IL31RA: variants seen among roughly 807,000 people sequenced by gnomAD.
IL31RA encodes interleukin-31 receptor subunit alpha.
IL31RA carries 66 observed loss-of-function variants against 83.7 expected under a neutral mutation model. That is an observed-to-expected ratio of 0.79 (90% confidence interval 0.65 to 0.97). The LOEUF is 0.97. Among genes scored for constraint, IL31RA ranks in the 50% least tolerant of loss-of-function variants. The pLI is 0.00. For synonymous variants in IL31RA, 325 were observed against 329.0 expected (o/e 0.99, Z 0.13); for missense variants, 798 against 919.4 (o/e 0.87, Z 1.71).
chr5:55,890,816 A>G (rs1311951334), intron 6 of IL31RA, among the ~76,000 whole-genome samples: 3 of 152,242 alleles, frequency 2.0e-5, no homozygotes, highest in African/African-American at 4.8e-5. Context: ...GGAAAGAGGC[A>G]TGGATTGCAG....
At chr5:55,867,101 G>GCA (rs1307485192) in intron 2 of IL31RA, among the ~76,000 whole-genome samples, 1 of 146,024 alleles carries the variant, frequency 6.8e-6, no homozygotes, top group Non-Finnish European at 1.5e-5. Flanking sequence ...GTGTGTGTTT[G>GCA]TGTGTGTGTG....
At chr5:55,872,584 A>C (rs1430513645) in intron 4 of IL31RA, 133 bp downstream of exon 4, 3 of 263,284 alleles carry the variant, frequency 1.1e-5, no homozygotes, top group African/African-American at 7.0e-5. Flanking sequence ...CAGAAAATTC[A>C]TCTTCTAATT....
At position 55,890,146 on chromosome 5, in the gene IL31RA, C is replaced by T. The variant is rs967754720; in HGVS notation, c.772+11C>T. The stretch of plus-strand genomic sequence containing the variant: ...TGACTGAGGAAGAAGGCAAGCTACT[C>T]CCTGCGATTCCCGTCCTGTCTGCTC... On this transcript the variant is annotated intron_variant, in intron 6 of 14. Coordinates refer to ENST00000652347, the MANE Select transcript of IL31RA (RefSeq NM_139017.7). 1.2e-6 allele frequency: 2 copies of T among 1,612,802 alleles called. No homozygotes were observed. Among genetic ancestry groups the T allele is most frequent in the African/African-American group, 2.7e-5 (2 of 74,904 alleles).
intron 13 of IL31RA, among the ~76,000 whole-genome samples, chr5:55,913,926 G>A (rs1326686855): frequency 1.3e-5 from 2 of 152,220 alleles, no homozygotes; most frequent in Non-Finnish European, 2.9e-5. Flanking sequence ...TGCAGCAAGA[G>A]GCCTTCTTGC....
chr5:55,887,967 T>G (rs1321762001), intron 5 of IL31RA, among the ~76,000 whole-genome samples: 1 of 151,584 alleles, frequency 6.6e-6, no homozygotes, highest in East Asian at 1.9e-4. Context: ...GGAGAATCGC[T>G]TGAACCCGGG....
chr5:55,879,440 T>TTTTTTTTTTTG (rs1747064566), intron 4 of IL31RA, among the ~76,000 whole-genome samples: 1 of 123,958 alleles, frequency 8.1e-6, no homozygotes, highest in African/African-American at 3.1e-5. Context: ...TTTTTTTTTT[T>TTTTTTTTTTTG]TTTTTTTTTT....
chr5:55,855,961 A>G (rs1253201908), intron 1 of IL31RA, among the ~76,000 whole-genome samples: 1 of 152,156 alleles, frequency 6.6e-6, no homozygotes, highest in Non-Finnish European at 1.5e-5. Context: ...CAGTGGCACA[A>G]CCTCTGCTCA....
At chr5:55,841,429 T>C in the IL31RA span, among the ~76,000 whole-genome samples, 1 of 152,224 alleles carries the variant, frequency 6.6e-6, no homozygotes, top group South Asian at 2.1e-4. Flanking sequence ...ATGTTCAATC[T>C]ACTTTAATAA....
intron 1 of IL31RA, chr5:55,852,204 C>G (rs771307211): frequency 6.5e-6 from 1 of 152,834 alleles, no homozygotes; most frequent in Non-Finnish European, 1.5e-5. Context: ...GAGTTTCACT[C>G]TTGTCGCCAG....
At chr5:55,850,635 A>G (rs970587539), upstream of IL31RA, among the ~76,000 whole-genome samples, 1 of 152,166 alleles carries the variant, frequency 6.6e-6, no homozygotes, top group South Asian at 2.1e-4. Flanking sequence ...GGGATGGGAG[A>G]AATTTAATGA....
intron 2 of IL31RA, among the ~76,000 whole-genome samples, chr5:55,862,715 T>G (rs767698855): frequency 2.0e-5 from 3 of 152,208 alleles, no homozygotes; most frequent in Non-Finnish European, 4.4e-5. Flanking sequence ...CCTGAATGAC[T>G]TCTTCCTATT....
chr5:55,906,347 A>G (rs770540756), intron 9 of IL31RA, 59 bp downstream of exon 9: 36 of 1,522,124 alleles, frequency 2.4e-5, no homozygotes, highest in Admixed American at 1.0e-4. Flanking sequence ...ATTTTCATCC[A>G]TTTTTAGATC....
intron 12 of IL31RA, among the ~76,000 whole-genome samples, chr5:55,912,223 T>C (rs1448126612): frequency 6.6e-6 from 1 of 152,216 alleles, no homozygotes; most frequent in Non-Finnish European, 1.5e-5. Flanking sequence ...TTTCAAACCC[T>C]GAATTCTCTG....
At chr5:55,862,152 C>G (rs1026173653) in intron 2 of IL31RA, among the ~76,000 whole-genome samples, 1 of 152,114 alleles carries the variant, frequency 6.6e-6, no homozygotes. Context: ...GACCAGCAAG[C>G]CTAACCTTCA....
chr5:55,905,666 A>G lies in IL31RA; in HGVS notation c.1070-440A>G, dbSNP rs150340040. On this transcript the variant is annotated intron_variant, in intron 8 of 14. Coordinates refer to ENST00000652347, the MANE Select transcript of IL31RA (RefSeq NM_139017.7). ...TCCAGTTTGTGCAGAGCCAGACTAT[A>G]TAGTGAAAGCGTAAAGCCATCTCCC... Among the ~76,000 whole-genome samples the G allele has an allele frequency of 5.1e-3, 783 of 152,342 alleles. 10 individuals carry two copies. The highest frequency in any genetic ancestry group is 0.018 in the African/African-American group (757 of 41,574).
chr5:55,858,033 T>G (rs1398070671), intron 1 of IL31RA, among the ~76,000 whole-genome samples: 2 of 152,216 alleles, frequency 1.3e-5, no homozygotes, highest in Non-Finnish European at 2.9e-5. Context: ...GCTGATTTTT[T>G]TCTAAGGTTT....
At position 55,914,832 on chromosome 5, in the gene IL31RA, C is replaced by A. The variant is rs372360313; in HGVS notation, c.1737-15C>A. On this transcript the variant is annotated splice_polypyrimidine_tract_variant and intron_variant, in intron 13 of 14. Transcript: ENST00000652347. ...TTGGATTCAATTCCCATCTTAAAAT[C>A]TTCTCTCTCATTAGCAAATTGACTC... 2.3e-5 allele frequency: 36 copies of A among 1,591,302 alleles called. No individual in the cohort carries two copies. The Admixed American group carries it at 3.0e-4, about 13-fold the overall frequency.
Position 55,851,494 on chromosome 5 carries a change from C to A in IL31RA, c.-77C>A. 2.5e-6 allele frequency: 4 copies of A among 1,613,412 alleles called. No individual in the cohort carries two copies. Among genetic ancestry groups the A allele is most frequent in the Non-Finnish European group, 2.5e-6 (3 of 1,179,672 alleles). ...ATAACCAGCATGGCACTAAATAGAC[C>A]ATGAAAAGACATGTGTGTGCAGTAT... On this transcript the variant is annotated 5_prime_UTR_variant, in exon 1 of 15. Transcript: ENST00000652347.
chr5:55,908,362 C>A lies in IL31RA; in HGVS notation c.1452C>A (p.Ile484=), dbSNP rs779447461. 1 of 1,614,170 alleles carries A rather than the reference C, an allele frequency of 6.2e-7. No individual in the cohort carries two copies. Among genetic ancestry groups the A allele is most frequent in the Non-Finnish European group, 8.5e-7 (1 of 1,180,046 alleles). ...TTCCCAAGAGTGAGAGAAAGGGTATCATCTGCAACTACACCATCTTTTACC... is the reference window on the plus strand; with the variant it reads ...TTCCCAAGAGTGAGAGAAAGGGTATAATCTGCAACTACACCATCTTTTACC... ...KEIPKSERKG[I]ICNYTIFYQA... is the part of the protein sequence containing the mutation. The change falls in exon 11 of 15, where the codon ATC becomes ATA. Residue 484 remains isoleucine (I), a synonymous_variant. Transcript: ENST00000652347.
Sources: allele counts gnomAD v4.1 joint callset (sites outside exome capture counted in the v4.1 genomes callset), GRCh38; gene constraint gnomAD v4.1.1; transcripts MANE v1.5; gene names NCBI Gene and HGNC (gene_info 2026-07-23, HGNC 2026-07-21).